Variants in NFIL3 observed in about 807,000 individuals in gnomAD.
The protein encoded by NFIL3 is nuclear factor interleukin-3-regulated protein.
A neutral mutation model predicts 10.0 loss-of-function variants in NFIL3; 5 were observed. That is an observed-to-expected ratio of 0.50 (90% CI 0.26 to 1.06). The LOEUF (loss-of-function observed/expected upper bound fraction) is 1.06, where lower values mean the gene tolerates loss of function less well. NFIL3 is among the 50% of genes least tolerant of loss of function. NFIL3 has a pLI of 0.13. For missense variants in NFIL3, 436 were observed against 547.6 expected, an observed-to-expected ratio of 0.80 and a Z score of 2.03; for synonymous variants, 202 against 206.5, an observed-to-expected ratio of 0.98 and a Z score of 0.19.
chr9:91,418,996 T>C (rs1255780596), intron 1 of NFIL3, among the ~76,000 whole-genome samples: 2 of 152,082 alleles, frequency 1.3e-5, no homozygotes, highest in African/African-American at 2.4e-5. Flanking sequence ...CTTTCAACAT[T>C]CTCATACAAG....
chr9:91,461,466 C>T, the NFIL3 span, among the ~76,000 whole-genome samples: 3 of 150,864 alleles, frequency 2.0e-5, no homozygotes, highest in Non-Finnish European at 4.4e-5. Flanking sequence ...TTGCCACAAA[C>T]TTCGTGGCTT....
At chr9:91,441,502 C>T in the NFIL3 span, among the ~76,000 whole-genome samples, 3,459 of 152,128 alleles carry the variant, frequency 0.023, 142 homozygotes, top group African/African-American at 0.078. Context: ...AATCAACTTA[C>T]ATTTAAGGTT....
upstream of NFIL3, among the ~76,000 whole-genome samples, chr9:91,424,215 A>C (rs1833835717): frequency 6.6e-6 from 1 of 151,150 alleles, no homozygotes; most frequent in Non-Finnish European, 1.5e-5. Flanking sequence ...GGCTCCCTTC[A>C]CCCTCCCGGT....
chr9:91,422,725 C>T (rs1335081994), intron 1 of NFIL3, among the ~76,000 whole-genome samples: 2 of 152,116 alleles, frequency 1.3e-5, no homozygotes, highest in Non-Finnish European at 2.9e-5. Flanking sequence ...GGGAGGTAAA[C>T]GTCACAATGG....
At chr9:91,438,549 CT>C in the NFIL3 span, among the ~76,000 whole-genome samples, 8 of 151,990 alleles carry the variant, frequency 5.3e-5, no homozygotes, top group African/African-American at 1.9e-4. Flanking sequence ...GTAGCTTGAG[CT>C]TTTGGTGTAA....
At chr9:91,480,691 C>G in the NFIL3 span, among the ~76,000 whole-genome samples, 7 of 152,144 alleles carry the variant, frequency 4.6e-5, no homozygotes, top group African/African-American at 1.7e-4. Context: ...GGAGGTCTGA[C>G]TACACAAAAA....
chr9:91,418,071 CTTCT>C (rs1450694876), intron 1 of NFIL3, among the ~76,000 whole-genome samples: 13 of 152,076 alleles, frequency 8.5e-5, no homozygotes, highest in Admixed American at 6.6e-4. Context: ...ACTTAACATT[CTTCT>C]TTAAGAGGTC....
At chr9:91,437,682 C>A in the NFIL3 span, among the ~76,000 whole-genome samples, 8 of 152,138 alleles carry the variant, frequency 5.3e-5, no homozygotes, top group Admixed American at 6.5e-5. Flanking sequence ...CTAGCCCCAC[C>A]CCTGGTAAGC....
At chr9:91,455,950 C>T in the NFIL3 span, among the ~76,000 whole-genome samples, 1 of 152,146 alleles carries the variant, frequency 6.6e-6, no homozygotes, top group Non-Finnish European at 1.5e-5. Context: ...TACCCTCACC[C>T]AATATTCTGA....
intron 1 of NFIL3, among the ~76,000 whole-genome samples, chr9:91,423,184 T>G (rs1328595926): frequency 1.3e-5 from 2 of 152,014 alleles, no homozygotes; most frequent in Admixed American, 6.5e-5. Flanking sequence ...AAATTAAGAC[T>G]ATTCCCCATT....
chr9:91,422,435 T>C (rs934576707), intron 1 of NFIL3, among the ~76,000 whole-genome samples: 1 of 148,228 alleles, frequency 6.7e-6, no homozygotes, highest in African/African-American at 2.5e-5. Context: ...GCTTACCCGG[T>C]TGTCTACTTT....
At chr9:91,426,882 G>A (rs1833878421), upstream of NFIL3, 1 of 152,106 alleles carries the variant, frequency 6.6e-6, no homozygotes, top group South Asian at 2.1e-4. Context: ...ATATATCCCA[G>A]GGATTTTACA....
chr9:91,467,810 G>C, the NFIL3 span, among the ~76,000 whole-genome samples: 3 of 152,006 alleles, frequency 2.0e-5, no homozygotes, highest in Non-Finnish European at 4.4e-5. Flanking sequence ...CCTTGCGATA[G>C]TTTGCTGAGA....
chr9:91,420,426 T>G (rs1037691378), intron 1 of NFIL3, among the ~76,000 whole-genome samples: 1 of 148,408 alleles, frequency 6.7e-6, no homozygotes, highest in Non-Finnish European at 1.5e-5. Context: ...CAGGAAACAT[T>G]TATTGAACTC....
chr9:91,440,413 TAGTA>T, the NFIL3 span, among the ~76,000 whole-genome samples: 1 of 152,044 alleles, frequency 6.6e-6, no homozygotes, highest in Non-Finnish European at 1.5e-5. Flanking sequence ...CTAGCTAGAC[TAGTA>T]AGTGTTTTTA....
At chr9:91,471,572 T>C in the NFIL3 span, among the ~76,000 whole-genome samples, 8 of 151,926 alleles carry the variant, frequency 5.3e-5, no homozygotes, top group African/African-American at 1.9e-4. Context: ...AGCAGGTTTG[T>C]TACATATGTA....
chr9:91,415,664 G>C lies in NFIL3; in HGVS notation c.-172-4758C>G, dbSNP rs987634316. ...CTTTTTGAGAAGGAGTTTTGCTCTT[G>C]TTGCCCAGGCTGGAGTGCAATGGCG... On this transcript the variant is annotated intron_variant, in intron 1 of 1. Transcript: ENST00000297689. Among the ~76,000 whole-genome samples the C allele has an allele frequency of 2.1e-5, 3 of 140,050 alleles. No individual in the cohort carries two copies. In the Admixed American group the frequency reaches 2.2e-4, roughly 10 times the overall value. 91.9% of individuals were successfully genotyped at this position (140,050 alleles called of 152,430 possible).
At chr9:91,473,002 C>A in the NFIL3 span, among the ~76,000 whole-genome samples, 16 of 152,180 alleles carry the variant, frequency 1.1e-4, no homozygotes, top group African/African-American at 3.9e-4. Flanking sequence ...GAGGTCCACT[C>A]CAGACCCTGT....
chr9:91,446,792 T>TTCTCTC, the NFIL3 span, among the ~76,000 whole-genome samples: 3 of 145,564 alleles, frequency 2.1e-5, no homozygotes, highest in African/African-American at 5.0e-5. Flanking sequence ...CTCCCTCCCT[T>TTCTCTC]TCTCTCTCTC....
Sources: allele counts gnomAD v4.1 joint callset (sites outside exome capture counted in the v4.1 genomes callset), GRCh38; gene constraint gnomAD v4.1.1; transcripts MANE v1.5; gene names NCBI Gene and HGNC (gene_info 2026-07-23, HGNC 2026-07-21).